NRG1: variants seen among roughly 807,000 people sequenced by gnomAD.
NRG1 encodes the protein pro-neuregulin-1, membrane-bound isoform.
Under a neutral mutation model 63.8 loss-of-function variants are expected in NRG1, and 18 were observed. The observed-to-expected ratio is 0.28, with a 90% CI of 0.19 to 0.42. NRG1 has a LOEUF of 0.42. NRG1 is among the 10% of genes least tolerant of loss of function. NRG1 has a pLI of 1.00. For missense variants in NRG1, 762 were observed against 814.7 expected (o/e 0.94, Z 0.79); for synonymous variants, 302 against 301.3 (o/e 1.00, Z -0.02).
intron 5 of NRG1, among the ~76,000 whole-genome samples, chr8:32,641,939 C>G (rs1852474429): frequency 6.6e-6 from 1 of 152,118 alleles, no homozygotes; most frequent in Non-Finnish European, 1.5e-5. Context: ...TCTCAGAGAA[C>G]TTTTCTATTT....
intron 1 of NRG1, among the ~76,000 whole-genome samples, chr8:32,451,836 C>CT (rs1222206051): frequency 2.0e-5 from 3 of 152,026 alleles, no homozygotes; most frequent in South Asian, 2.1e-4. Flanking sequence ...TCACTTCCTT[C>CT]TTTTTTTTAG....
chr8:32,713,753 A>G (rs1818430073), intron 5 of NRG1, among the ~76,000 whole-genome samples: 1 of 121,402 alleles, frequency 8.2e-6, no homozygotes. Flanking sequence ...TGTTATAAAT[A>G]TATTATATAT....
rs529367826 is a variant in NRG1 at position 32,487,588 on chromosome 8, A to G, written c.38-108240A>G. 2.0e-5 allele frequency among the ~76,000 whole-genome samples: 3 copies of G among 152,276 alleles called. No individual in the cohort carries two copies. The South Asian group carries it at 6.2e-4, about 32-fold the overall frequency. On this transcript the variant is annotated intron_variant, in intron 1 of 10. Coordinates refer to the NRG1 transcript ENST00000519301. ...AGCCAACTGATTTTAGAAATCCAAG[A>G]GCAAATGAAATGTGCAACATTTTAC...
chr8:32,049,270 A>G (rs1821591863), intron 1 of NRG1, among the ~76,000 whole-genome samples: 2 of 152,126 alleles, frequency 1.3e-5, no homozygotes, highest in Admixed American at 1.3e-4. Flanking sequence ...TCTTTCCCTA[A>G]GCATTAACAT....
intron 1 of NRG1, among the ~76,000 whole-genome samples, chr8:32,319,407 G>A (rs1044452222): frequency 1.3e-5 from 2 of 152,170 alleles, no homozygotes; most frequent in African/African-American, 4.8e-5. Flanking sequence ...ATCTGGTCCA[G>A]AAAGCTTCAG....
chr8:32,548,120 G>C (rs553528952), upstream of NRG1: 1 of 738,152 alleles, frequency 1.4e-6, no homozygotes, highest in African/African-American at 1.9e-5. Context: ...GGAGGAAAAG[G>C]GGCTGCGCCC....
At chr8:31,888,914 C>T (rs1009118226) in intron 1 of NRG1, among the ~76,000 whole-genome samples, 1 of 152,050 alleles carries the variant, frequency 6.6e-6, no homozygotes, top group Non-Finnish European at 1.5e-5. Context: ...AACCCTAAAG[C>T]TCTGTATTTA....
At chr8:31,946,674 G>A (rs545123989) in intron 1 of NRG1, among the ~76,000 whole-genome samples, 42 of 152,244 alleles carry the variant, frequency 2.8e-4, no homozygotes, top group Admixed American at 7.2e-4. Context: ...AGCCTATGGC[G>A]GCTGTCATGA....
intron 1 of NRG1, among the ~76,000 whole-genome samples, chr8:31,861,458 A>G (rs1332410396): frequency 6.6e-6 from 1 of 152,128 alleles, no homozygotes; most frequent in East Asian, 1.9e-4. Context: ...TGGAACTTAA[A>G]CTCATTGTAT....
At chr8:32,600,975 A>C (rs1432875515) in intron 2 of NRG1, among the ~76,000 whole-genome samples, 1 of 152,154 alleles carries the variant, frequency 6.6e-6, no homozygotes, top group Non-Finnish European at 1.5e-5. Flanking sequence ...AGAAAAAAAG[A>C]AGACTGTTGT....
At chr8:31,723,331 C>T (rs775758217) in intron 1 of NRG1, among the ~76,000 whole-genome samples, 2 of 152,136 alleles carry the variant, frequency 1.3e-5, no homozygotes, top group Non-Finnish European at 2.9e-5. Flanking sequence ...TATCAGTGAG[C>T]AGGGTGAGAA....
intron 1 of NRG1, among the ~76,000 whole-genome samples, chr8:32,368,113 C>T (rs1808328200): frequency 6.6e-6 from 1 of 152,116 alleles, no homozygotes; most frequent in South Asian, 2.1e-4. Flanking sequence ...GTTATGCCTC[C>T]AGTTTTGTTT....
rs368994893 is a variant in NRG1, at chr8:32,570,850, T to C, written c.100+22024T>C. On this transcript the variant is annotated intron_variant, in intron 1 of 11. Transcript: ENST00000356819. ...ATTATGTTAATATGAATTATGATTA[T>C]AGGGTATTGGTAACAGACAGGAGTG... Among the ~76,000 whole-genome samples the C allele has an allele frequency of 7.9e-5, 12 of 152,306 alleles. No homozygotes were observed. In the East Asian group the frequency reaches 1.7e-3, roughly 22 times the overall value.
At position 32,401,547 on chromosome 8, in the gene NRG1, G is replaced by T. The variant is rs2129484647; in HGVS notation, c.38-194281G>T. 1.3e-5 allele frequency among the ~76,000 whole-genome samples: 2 copies of T among 152,124 alleles called. 1 individual carries two copies. Among genetic ancestry groups the T allele is most frequent in the South Asian group, 4.1e-4 (2 of 4,822 alleles). ...ATTCTATAGTCATTCGATGAAATAG[G>T]CTGAATTTAGCTAAAAGGGAGTTCA... is the stretch of plus-strand genomic sequence containing the variant. On this transcript the variant is annotated intron_variant, in intron 1 of 10. Coordinates refer to the NRG1 transcript ENST00000519301.
At chr8:32,249,664 A>G (rs921518918) in intron 1 of NRG1, among the ~76,000 whole-genome samples, 1 of 152,122 alleles carries the variant, frequency 6.6e-6, no homozygotes, top group Admixed American at 6.6e-5. Context: ...AAGGGTCCAT[A>G]TCACAGGACC....
Position 31,728,032 on chromosome 8 carries a change from C to T in NRG1, c.37+88601C>T, listed in dbSNP as rs181598240. Among the ~76,000 whole-genome samples, 743 of 152,270 alleles carry T rather than the reference C, an allele frequency of 4.9e-3. 5 individuals are homozygous for T. Among genetic ancestry groups the T allele is most frequent in the Non-Finnish European group, 6.0e-3 (410 of 68,024 alleles). On this transcript the variant is annotated intron_variant, in intron 1 of 10. Transcript: ENST00000519301. ...CAGGACAGAGCGGGACAGTGGGAGA[C>T]TTCATCTTGCCACATAGAATAGTGG...
chr8:31,669,115 G>A (rs1461439108), intron 1 of NRG1, among the ~76,000 whole-genome samples: 1 of 152,058 alleles, frequency 6.6e-6, no homozygotes. Context: ...GAGTGTAGTG[G>A]TGCGGTCATG....
intron 1 of NRG1, among the ~76,000 whole-genome samples, chr8:32,310,451 T>G (rs1856689012): frequency 6.6e-6 from 1 of 152,194 alleles, no homozygotes; most frequent in Admixed American, 6.5e-5. Context: ...ATGTGCCCAC[T>G]TCATTTCTGA....
chr8:32,634,118 A>AAAAAAAAAAAAAAAAAAAAAATT (rs1850869778), intron 5 of NRG1, among the ~76,000 whole-genome samples: 3 of 150,072 alleles, frequency 2.0e-5, no homozygotes, highest in African/African-American at 7.4e-5. Context: ...AAAAAAAAAA[A>AAAAAAAAAAAAAAAAAAAAAATT]GGTTGCATAA....
Sources: allele counts gnomAD v4.1 joint callset (sites outside exome capture counted in the v4.1 genomes callset), GRCh38; gene constraint gnomAD v4.1.1; transcripts MANE v1.5; gene names NCBI Gene and HGNC (gene_info 2026-07-23, HGNC 2026-07-21).